Variants in FDX1 observed in about 807,000 individuals in gnomAD.
FDX1 encodes the protein ferredoxin 1.
A neutral mutation model predicts 14.9 loss-of-function variants in FDX1; 9 were observed. The ratio of observed to expected loss-of-function variants is 0.60; its 90% CI spans 0.36 to 1.05. The LOEUF (loss-of-function observed/expected upper bound fraction) is 1.05, where lower values mean the gene tolerates loss of function less well. FDX1 is among the 50% of genes least tolerant of loss of function. FDX1 has a pLI of 0.01. For synonymous variants in FDX1, 92 were observed against 99.4 expected, an observed-to-expected ratio of 0.93 and a Z score of 0.44; for missense variants, 204 against 237.2, an observed-to-expected ratio of 0.86 and a Z score of 0.92.
chr11:110,459,396 C>G lies in FDX1; in HGVS notation c.440+2349C>G, dbSNP rs539051993. ...TTGGGAACTTACTGTAATGCCTAGG[C>G]ACTTAAGTATTATTTCTAACCTTCA... On this transcript the variant is annotated intron_variant, in intron 3 of 3. Transcript: ENST00000260270. Among the ~76,000 whole-genome samples, 171 of 152,292 alleles carry G rather than the reference C, an allele frequency of 1.1e-3. 1 individual carries two copies. The highest frequency in any genetic ancestry group is 4.0e-3 in the African/African-American group (167 of 41,564).
chr11:110,432,846 C>T (rs953859789), intron 1 of FDX1, among the ~76,000 whole-genome samples: 2 of 152,168 alleles, frequency 1.3e-5, no homozygotes, highest in Non-Finnish European at 2.9e-5. Context: ...TTTCCGCCTC[C>T]TCTCCTCTTC....
chr11:110,436,031 T>C (rs1946366410), intron 2 of FDX1, 73 bp downstream of exon 2: 2 of 1,404,408 alleles, frequency 1.4e-6, no homozygotes, highest in Admixed American at 4.2e-5. Context: ...GTGGTTTTTT[T>C]TTTTGAAGAA....
At chr11:110,460,807 G>T (rs1049678448) in intron 3 of FDX1, among the ~76,000 whole-genome samples, 1 of 152,172 alleles carries the variant, frequency 6.6e-6, no homozygotes, top group East Asian at 1.9e-4. Context: ...TGTGAACATG[G>T]TATATTAAGT....
At chr11:110,440,760 G>C (rs919820161) in intron 2 of FDX1, among the ~76,000 whole-genome samples, 2 of 152,186 alleles carry the variant, frequency 1.3e-5, no homozygotes, top group African/African-American at 4.8e-5. Context: ...CTGACGTTTG[G>C]TGCTGTTAAT....
chr11:110,429,550 T>A (rs749688708), upstream of FDX1, among the ~76,000 whole-genome samples: 1 of 152,176 alleles, frequency 6.6e-6, no homozygotes, highest in Non-Finnish European at 1.5e-5. Context: ...AATTTTATAG[T>A]CATAATTATT....
chr11:110,434,733 T>TTG (rs1555068091), intron 1 of FDX1, among the ~76,000 whole-genome samples: 5 of 81,846 alleles, frequency 6.1e-5, no homozygotes, highest in African/African-American at 2.8e-4. Context: ...TTGTTTTTTT[T>TTG]TTTTTTTTTT....
At chr11:110,435,030 A>G (rs775432323) in intron 1 of FDX1, among the ~76,000 whole-genome samples, 1 of 151,206 alleles carries the variant, frequency 6.6e-6, no homozygotes, top group Non-Finnish European at 1.5e-5. Context: ...CTAGGAGTAC[A>G]GGTATGAGCC....
At chr11:110,444,653 TATATATATATAC>T (rs1565381732) in intron 2 of FDX1, among the ~76,000 whole-genome samples, 7 of 81,994 alleles carry the variant, frequency 8.5e-5, no homozygotes, top group East Asian at 5.8e-4. Flanking sequence ...TGTGTGTGTA[TATATATATATAC>T]GTATATATAT....
rs374405311 is a variant in FDX1, at chr11:110,430,959, G to A, written c.185+654G>A. On this transcript the variant is annotated intron_variant, in intron 1 of 3. Transcript: ENST00000260270. ...ACGTGCCTAACTTGGTCAGTCCTTA[G>A]GAACCCAGTTTCTCCATTTGCAAGT... is the stretch of plus-strand genomic sequence containing the variant. Among the ~76,000 whole-genome samples, 6 of 152,206 alleles carry A rather than the reference G, an allele frequency of 3.9e-5. No homozygotes were observed. The East Asian group carries it at 7.7e-4, about 19-fold the overall frequency.
Position 110,459,709 on chromosome 11 carries a change from G to A in FDX1, c.441-2645G>A, listed in dbSNP as rs181657520. Among the ~76,000 whole-genome samples the A allele has an allele frequency of 2.0e-5, 3 of 152,304 alleles. No homozygotes were observed. The East Asian group carries it at 5.8e-4, about 29-fold the overall frequency. ...GTTTGCAGAAGTGTCAAAATGTTGT[G>A]GGACTCAAAGTGTGAAATCAGGGGA... On this transcript the variant is annotated intron_variant, in intron 3 of 3. Transcript: ENST00000260270.
Position 110,464,130 on chromosome 11 carries a change from C to CT in FDX1, c.*1664dup, listed in dbSNP as rs1237683341. On this transcript the variant is annotated 3_prime_UTR_variant, in exon 4 of 4. Coordinates refer to ENST00000260270, the MANE Select transcript of FDX1 (RefSeq NM_004109.5). ...GTTTTACCACGTTGCCCAGGCTGGT[C>CT]TTGAACTTTTGAGCTCGAGTGATCC... 3 of 152,092 alleles carry CT rather than the reference C, an allele frequency of 2.0e-5. No individual in the cohort carries two copies. Among genetic ancestry groups the CT allele is most frequent in the African/African-American group, 2.4e-5 (1 of 41,388 alleles). The allele number at this position is 152,092 out of a possible 1,614,324, so 9.4% of individuals were successfully genotyped here.
chr11:110,453,394 A>G (rs1946499137), intron 2 of FDX1, among the ~76,000 whole-genome samples: 1 of 152,154 alleles, frequency 6.6e-6, no homozygotes, highest in Non-Finnish European at 1.5e-5. Flanking sequence ...ACTGAAAGAG[A>G]CAACTAGTAA....
intron 2 of FDX1, 150 bp downstream of exon 2, chr11:110,436,108 A>T: frequency 1.5e-6 from 1 of 672,046 alleles, no homozygotes; most frequent in South Asian, 1.9e-5. Context: ...ATTCTTGTTT[A>T]TAAAGAATAA....
intron 2 of FDX1, among the ~76,000 whole-genome samples, chr11:110,442,571 C>T (rs756364178): frequency 2.6e-4 from 39 of 152,172 alleles, no homozygotes; most frequent in Non-Finnish European, 5.0e-4. Context: ...TTGTTTTGAC[C>T]GATTTCTCCC....
chr11:110,462,558 G>T lies in FDX1; in HGVS notation c.*90G>T. ...TGATTAAATGAGAACATGGATGAGT[G>T]GACTTCATATTATGACTAGCTTTAC... On this transcript the variant is annotated 3_prime_UTR_variant, in exon 4 of 4. Coordinates refer to ENST00000260270, the MANE Select transcript of FDX1 (RefSeq NM_004109.5). The T allele has an allele frequency of 3.4e-6, 2 of 591,654 alleles. No individual in the cohort carries two copies. Among genetic ancestry groups the T allele is most frequent in the African/African-American group, 1.8e-5 (1 of 54,404 alleles). The allele number at this position is 591,654 out of a possible 1,614,324, so 36.7% of individuals were successfully genotyped here.
At position 110,430,001 on chromosome 11, in the gene FDX1, C is replaced by G. The variant is rs967127694; in HGVS notation, c.-120C>G. 1.1e-5 allele frequency: 7 copies of G among 648,502 alleles called. No individual in the cohort carries two copies. Among genetic ancestry groups the G allele is most frequent in the Non-Finnish European group, 1.5e-5 (7 of 468,242 alleles). 40.2% of individuals were successfully genotyped at this position (648,502 alleles called of 1,614,324 possible). ...CAGGGTCTCTCCGCCACTCCAGCCCCGCGCCCCTCGCCGCGGCCCTCGGGC... is the reference window on the plus strand; with the variant it reads ...CAGGGTCTCTCCGCCACTCCAGCCCGGCGCCCCTCGCCGCGGCCCTCGGGC... On this transcript the variant is annotated 5_prime_UTR_variant, in exon 1 of 4. Transcript: ENST00000260270.
In FDX1 at chr11:110,430,071, G is replaced by C; in HGVS notation, c.-50G>C. On this transcript the variant is annotated 5_prime_UTR_variant, in exon 1 of 4. Coordinates refer to ENST00000260270, the MANE Select transcript of FDX1 (RefSeq NM_004109.5). ...CCCCCGCCTCTTTGGAGTCTCTCGC[G>C]GCCTCAAAGCGCGGCCTGCGTCGCT... 8.4e-7 allele frequency: 1 copy of C among 1,188,970 alleles called. No homozygotes were observed. The highest frequency in any genetic ancestry group is 3.4e-5 in the East Asian group (1 of 29,072). The allele number at this position is 1,188,970 out of a possible 1,614,324, so 73.7% of individuals were successfully genotyped here.
Position 110,462,928 on chromosome 11 carries a change from A to T in FDX1, c.*460A>T, listed in dbSNP as rs1946565070. The T allele has an allele frequency of 6.6e-6, 1 of 152,560 alleles. No individual in the cohort carries two copies. The highest frequency in any genetic ancestry group is 6.5e-5 in the Admixed American group (1 of 15,332). 9.5% of individuals were successfully genotyped at this position (152,560 alleles called of 1,614,324 possible). ...TCCTATAAGCTATGTGTTCAGACTGAAACTGGAGAAATTATGACTATTTTA... is the reference window on the plus strand; with the variant it reads ...TCCTATAAGCTATGTGTTCAGACTGTAACTGGAGAAATTATGACTATTTTA... On this transcript the variant is annotated 3_prime_UTR_variant, in exon 4 of 4. Transcript: ENST00000260270.
chr11:110,436,101 C>A, intron 2 of FDX1, 143 bp downstream of exon 2: 1 of 697,786 alleles, frequency 1.4e-6, no homozygotes. Context: ...GTGTTATATT[C>A]TTGTTTATAA....
Sources: allele counts gnomAD v4.1 joint callset (sites outside exome capture counted in the v4.1 genomes callset), GRCh38; gene constraint gnomAD v4.1.1; transcripts MANE v1.5; gene names NCBI Gene and HGNC (gene_info 2026-07-23, HGNC 2026-07-21).